The following TIAM2 variants were observed in gnomAD, a reference collection of about 807,000 sequenced individuals.
TIAM2 encodes TIAM Rac1 associated GEF 2, also known as rho guanine nucleotide exchange factor TIAM2.
A neutral mutation model predicts 152.9 loss-of-function variants in TIAM2; 80 were observed. The ratio of observed to expected loss-of-function variants is 0.52; its 90% CI spans 0.44 to 0.63. The LOEUF is 0.63. Ranked by LOEUF, TIAM2 falls within the 30% of genes least tolerant of loss-of-function variation. The probability of loss-of-function intolerance (pLI) is 0.00; values close to 1 mark genes in which losing one functional copy is unlikely to be tolerated. For synonymous variants in TIAM2, 804 were observed against 838.0 expected (o/e 0.96, Z 0.70); for missense variants, 1,965 against 2,120.1 (o/e 0.93, Z 1.44).
intron 19 of TIAM2, among the ~76,000 whole-genome samples, chr6:155,247,724 C>G (rs1783417568): frequency 6.6e-6 from 1 of 152,186 alleles, no homozygotes; most frequent in Non-Finnish European, 1.5e-5. Context: ...TCTTTAAAGT[C>G]AGACATTCCT....
At chr6:155,051,133 A>C (rs986434957) in intron 1 of TIAM2, among the ~76,000 whole-genome samples, 14 of 152,318 alleles carry the variant, frequency 9.2e-5, no homozygotes, top group African/African-American at 3.1e-4. Context: ...GCTGGGAAGT[A>C]GGGGAAGGTT....
chr6:155,108,120 A>T (rs971632829), intron 2 of TIAM2, among the ~76,000 whole-genome samples: 1 of 152,100 alleles, frequency 6.6e-6, no homozygotes, highest in Non-Finnish European at 1.5e-5. Context: ...ACACTTAGGG[A>T]TTCTAAAATT....
At chr6:155,206,340 C>T (rs528313207) in intron 14 of TIAM2, among the ~76,000 whole-genome samples, 14 of 152,150 alleles carry the variant, frequency 9.2e-5, no homozygotes, top group Non-Finnish European at 1.8e-4. Flanking sequence ...CTCCACCTCC[C>T]GGGTTCAAGT....
chr6:155,029,969 G>GT (rs1776793015), intron 1 of TIAM2, among the ~76,000 whole-genome samples: 1 of 151,480 alleles, frequency 6.6e-6, no homozygotes, highest in African/African-American at 2.4e-5. Flanking sequence ...ATTTTTGTAT[G>GT]TTTTGTAGAG....
At chr6:155,047,702 AGAGCGAGAGAGAGAGAGAGAGAGC>A (rs1562300200) in intron 1 of TIAM2, among the ~76,000 whole-genome samples, 11 of 25,562 alleles carry the variant, frequency 4.3e-4, no homozygotes, top group African/African-American at 1.5e-3. Flanking sequence ...AGAGAGAGAG[AGAGCGAGAGAGAGAGAGAGAGAGC>A]GAGAGAGAGA....
chr6:155,154,502 T>TCACAC (rs1464937894), intron 7 of TIAM2, among the ~76,000 whole-genome samples: 3 of 151,052 alleles, frequency 2.0e-5, no homozygotes, highest in African/African-American at 7.3e-5. Flanking sequence ...GTGGACCAGA[T>TCACAC]CACACCGCCA....
chr6:155,083,372 A>AGC, intron 1 of TIAM2, among the ~76,000 whole-genome samples: 1 of 145,488 alleles, frequency 6.9e-6, no homozygotes, highest in Admixed American at 6.9e-5. Flanking sequence ...AAAAAAAGAG[A>AGC]GAGAGAGAGA....
At chr6:155,127,446 G>A in intron 2 of TIAM2, 44 bp from the exon 3 acceptor site, 1 of 408,754 alleles carries the variant, frequency 2.4e-6, no homozygotes, top group Non-Finnish European at 4.9e-6. Flanking sequence ...TGGGAGCTTG[G>A]AGTAAAACGC....
chr6:155,224,061 C>A (rs1464997240), intron 15 of TIAM2, among the ~76,000 whole-genome samples: 1 of 152,186 alleles, frequency 6.6e-6, no homozygotes, highest in East Asian at 1.9e-4. Flanking sequence ...TGCTCAGATG[C>A]TTGCCATTGT....
At chr6:155,008,595 ATT>A (rs35745208) in intron 1 of TIAM2, among the ~76,000 whole-genome samples, 74 of 149,622 alleles carry the variant, frequency 4.9e-4, no homozygotes, top group Non-Finnish European at 5.8e-4. Context: ...TCTGGAAATA[ATT>A]TTTTTTTTTT....
At chr6:155,172,686 ATTTTTTTTTTTTTTT>A (rs113165280) in intron 9 of TIAM2, among the ~76,000 whole-genome samples, 12 of 19,636 alleles carry the variant, frequency 6.1e-4, no homozygotes, top group African/African-American at 2.1e-3. Context: ...ATATATATAT[ATTTTTTTTTTTTTTT>A]TTTTTTTTTT....
chr6:155,078,139 G>T (rs1460189457), intron 1 of TIAM2, among the ~76,000 whole-genome samples: 1 of 151,934 alleles, frequency 6.6e-6, no homozygotes, highest in Non-Finnish European at 1.5e-5. Context: ...GCTCCTCCTG[G>T]GCTCAAGTGA....
chr6:155,196,229 C>A (rs1227687075), intron 14 of TIAM2, among the ~76,000 whole-genome samples: 1 of 152,010 alleles, frequency 6.6e-6, no homozygotes, highest in Admixed American at 6.6e-5. Context: ...CAGGTTTTGG[C>A]GTGAGCATCC....
At chr6:155,128,697 TA>T (rs11368126) in intron 3 of TIAM2, among the ~76,000 whole-genome samples, 50,017 of 140,506 alleles carry the variant, frequency 0.36, 10,489 homozygotes, top group African/African-American at 0.61. Flanking sequence ...CCCATATCTT[TA>T]AAAAAAAAAA....
chr6:155,110,332 T>G (rs28375775), intron 2 of TIAM2, among the ~76,000 whole-genome samples: 91,485 of 136,030 alleles, frequency 0.67, 30,620 homozygotes, highest in Admixed American at 0.77. Context: ...TTTTTTTTGT[T>G]GTTCTTTCTT....
intron 1 of TIAM2, among the ~76,000 whole-genome samples, chr6:155,033,462 T>G (rs1302478456): frequency 6.6e-6 from 1 of 152,186 alleles, no homozygotes; most frequent in East Asian, 1.9e-4. Flanking sequence ...ATATAGCACT[T>G]TGGCTCTGAA....
Position 155,129,056 on chromosome 6 carries a change from A to G in TIAM2, c.-6-162A>G. ...AGCTAATGAGCAGCCTTGCAAAATA[A>G]GGAGAGCCTGTTCTACTGACTGACT... On this transcript the variant is annotated intron_variant, in intron 3 of 26. Coordinates refer to ENST00000682666, the MANE Select transcript of TIAM2 (RefSeq NM_012454.4). This position sits in a 1 kb window ranked among gnomAD's most constrained non-coding sequence, Gnocchi z 4.8. 1.6e-6 allele frequency: 1 copy of G among 632,594 alleles called. No homozygotes were observed. Among genetic ancestry groups the G allele is most frequent in the Non-Finnish European group, 2.7e-6 (1 of 368,684 alleles). 39.2% of individuals were successfully genotyped at this position (632,594 alleles called of 1,614,324 possible).
intron 1 of TIAM2, among the ~76,000 whole-genome samples, chr6:155,077,449 C>T (rs1247747757): frequency 2.6e-5 from 4 of 152,196 alleles, no homozygotes; most frequent in Non-Finnish European, 5.9e-5. Flanking sequence ...AAAATTTACT[C>T]ACTCAGTTCC....
intron 1 of TIAM2, among the ~76,000 whole-genome samples, chr6:155,051,351 T>A (rs1021538359): frequency 3.9e-5 from 6 of 152,202 alleles, no homozygotes; most frequent in Admixed American, 3.9e-4. Flanking sequence ...GCCCGTGATT[T>A]GAGCGCATCA....
Sources: allele counts gnomAD v4.1 joint callset (sites outside exome capture counted in the v4.1 genomes callset), GRCh38; gene constraint gnomAD v4.1.1; non-coding constraint Gnocchi (gnomAD v3.1); transcripts MANE v1.5; gene names NCBI Gene and HGNC (gene_info 2026-07-23, HGNC 2026-07-21).